LARGE1: variants seen among roughly 807,000 people sequenced by gnomAD.
The protein encoded by LARGE1 is LARGE xylosyl- and glucuronyltransferase 1, also known as xylosyl- and glucuronyltransferase LARGE1.
In LARGE1, 43 loss-of-function variants were observed where a neutral mutation model predicts 87.6. The observed-to-expected ratio is 0.49, with a 90% confidence interval of 0.38 to 0.63. LARGE1 has a LOEUF of 0.63. Among genes scored for constraint, LARGE1 ranks in the 30% least tolerant of loss-of-function variants. The pLI is 0.00. For synonymous variants in LARGE1, 434 were observed against 394.6 expected, an observed-to-expected ratio of 1.10 and a Z score of -1.18; for missense variants, 802 against 1,000.2, an observed-to-expected ratio of 0.80 and a Z score of 2.67.
At chr22:33,899,599 G>C (rs1178865459) in intron 1 of LARGE1, among the ~76,000 whole-genome samples, 1 of 152,138 alleles carries the variant, frequency 6.6e-6, no homozygotes. Flanking sequence ...AAGCAAGCAG[G>C]GACTGGGACT....
chr22:33,073,846 G>A, the LARGE1 span, among the ~76,000 whole-genome samples: 1 of 152,154 alleles, frequency 6.6e-6, no homozygotes, highest in South Asian at 2.1e-4. Context: ...TCACATGTAT[G>A]TTTGGGGTTA....
intron 12 of LARGE1, among the ~76,000 whole-genome samples, chr22:33,284,341 C>T (rs1931103418): frequency 6.6e-6 from 1 of 152,204 alleles, no homozygotes; most frequent in South Asian, 2.1e-4. Context: ...GACTCCAAGC[C>T]TTTAAAGCAG....
the LARGE1 span, among the ~76,000 whole-genome samples, chr22:33,075,783 T>A: frequency 6.6e-6 from 1 of 152,216 alleles, no homozygotes; most frequent in African/African-American, 2.4e-5. Flanking sequence ...TCTTCAAAGA[T>A]GCTTCTCATA....
At chr22:33,643,676 A>G (rs2080514251) in intron 3 of LARGE1, among the ~76,000 whole-genome samples, 1 of 152,220 alleles carries the variant, frequency 6.6e-6, no homozygotes, top group South Asian at 2.1e-4. Flanking sequence ...CTAGACTAAT[A>G]AAGAAGAAAA....
rs772615481 is a variant in LARGE1 at position 33,316,216 on chromosome 22, G to A, written c.1320C>T (p.Asp440=). ...LQKQLSELDE[D]DLCYEFRRER... ...CTCGCCGGAACTCATAGCACAGGTC[G>A]TCCTCGTCCAGCTCAGACAGCTGCT... is the stretch of plus-strand genomic sequence containing the variant. Residue 440 remains aspartate (D), a synonymous_variant, in exon 11 of 15, where the codon GAC becomes GAT. Coordinates refer to ENST00000397394, the MANE Select transcript of LARGE1 (RefSeq NM_133642.5). The A allele has an allele frequency of 2.4e-5, 39 of 1,613,800 alleles. No homozygotes were observed. The highest frequency in any genetic ancestry group is 3.3e-4 in the Middle Eastern group (2 of 6,068).
At chr22:33,456,769 C>G (rs1444472077) in intron 6 of LARGE1, among the ~76,000 whole-genome samples, 1 of 152,226 alleles carries the variant, frequency 6.6e-6, no homozygotes, top group Non-Finnish European at 1.5e-5. Flanking sequence ...AGCTGCAACT[C>G]TGAGCTAATA....
chr22:33,753,437 T>C (rs2084395946), intron 2 of LARGE1, among the ~76,000 whole-genome samples: 1 of 152,196 alleles, frequency 6.6e-6, no homozygotes, highest in South Asian at 2.1e-4. Flanking sequence ...GATTCTTTAC[T>C]GGAGCCTACA....
intron 1 of LARGE1, among the ~76,000 whole-genome samples, chr22:33,840,814 G>C (rs1335787743): frequency 6.6e-6 from 1 of 152,060 alleles, no homozygotes; most frequent in African/African-American, 2.4e-5. Flanking sequence ...ATACAGACAA[G>C]GTTTCGTCAC....
intron 10 of LARGE1, among the ~76,000 whole-genome samples, chr22:33,333,970 A>C (rs894425229): frequency 6.6e-6 from 1 of 151,886 alleles, no homozygotes; most frequent in African/African-American, 2.4e-5. Flanking sequence ...AATACAAAAA[A>C]AGTTAGCCGG....
chr22:33,766,733 A>G (rs548672429), intron 1 of LARGE1, among the ~76,000 whole-genome samples: 1 of 151,812 alleles, frequency 6.6e-6, no homozygotes, highest in East Asian at 1.9e-4. Flanking sequence ...CTGATCTGTT[A>G]AGCTACAAAC....
At chr22:33,258,618 C>A (rs1157986176) in intron 11 of LARGE1, among the ~76,000 whole-genome samples, 5 of 152,190 alleles carry the variant, frequency 3.3e-5, no homozygotes, top group African/African-American at 1.2e-4. Flanking sequence ...ACTAAACAAA[C>A]CCAGACTTGG....
At chr22:33,373,866 C>T (rs908489655) in intron 9 of LARGE1, among the ~76,000 whole-genome samples, 2 of 145,008 alleles carry the variant, frequency 1.4e-5, no homozygotes, top group African/African-American at 2.6e-5. Context: ...TCCAGCTACT[C>T]GGGAGGCTGA....
At position 33,361,930 on chromosome 22, in the gene LARGE1, T is replaced by C. The variant is rs367725641; in HGVS notation, c.1131+19989A>G. Among the ~76,000 whole-genome samples the C allele has an allele frequency of 9.4e-5, 14 of 149,444 alleles. 1 individual carries two copies. In the South Asian group the frequency reaches 1.1e-3, roughly 12 times the overall value. On this transcript the variant is annotated intron_variant, in intron 9 of 14. Transcript: ENST00000397394. ...CTCTAGAAACCCCTAGAGAGACCCATTGGTAGACCCTCTGCTTTCCCTTTC... is the reference window on the plus strand; with the variant it reads ...CTCTAGAAACCCCTAGAGAGACCCACTGGTAGACCCTCTGCTTTCCCTTTC...
chr22:33,601,860 A>T (rs1231461070), intron 5 of LARGE1, among the ~76,000 whole-genome samples: 1 of 152,228 alleles, frequency 6.6e-6, no homozygotes, highest in African/African-American at 2.4e-5. Context: ...TAAAGCCAGC[A>T]CGTAAAATAA....
the LARGE1 span, among the ~76,000 whole-genome samples, chr22:33,096,581 T>C: frequency 7.6e-6 from 1 of 131,460 alleles, no homozygotes; most frequent in South Asian, 2.5e-4. Context: ...TTTTTTTTTT[T>C]TGAGACAGAG....
Position 33,716,229 on chromosome 22 carries a change from A to T in LARGE1, c.106+45142T>A, listed in dbSNP as rs546718759. Among the ~76,000 whole-genome samples the T allele has an allele frequency of 2.6e-5, 4 of 152,290 alleles. No individual in the cohort carries two copies. In the East Asian group the frequency reaches 5.8e-4, roughly 22 times the overall value. ...GTTAGATTTGAATTTATGATAATAA[A>T]TTTTTTGCATAAACATATGCCCTGC... On this transcript the variant is annotated intron_variant, in intron 2 of 14. Transcript: ENST00000397394.
intron 2 of LARGE1, among the ~76,000 whole-genome samples, chr22:33,689,334 C>T (rs890786988): frequency 2.0e-5 from 3 of 152,014 alleles, no homozygotes; most frequent in Non-Finnish European, 4.4e-5. Context: ...CTCCAGAGCA[C>T]ACCCTGATGA....
chr22:33,375,012 T>A (rs1366222631), intron 9 of LARGE1, among the ~76,000 whole-genome samples: 1 of 152,154 alleles, frequency 6.6e-6, no homozygotes, highest in Non-Finnish European at 1.5e-5. Flanking sequence ...AATAAAAACT[T>A]TAAGATCAAT....
intron 3 of LARGE1, among the ~76,000 whole-genome samples, chr22:33,649,881 A>G (rs2080739373): frequency 6.6e-6 from 1 of 152,252 alleles, no homozygotes; most frequent in South Asian, 2.1e-4. Context: ...AGGCTATAAA[A>G]GTTCAAATTA....
Sources: allele counts gnomAD v4.1 joint callset (sites outside exome capture counted in the v4.1 genomes callset), GRCh38; gene constraint gnomAD v4.1.1; transcripts MANE v1.5; gene names NCBI Gene and HGNC (gene_info 2026-07-23, HGNC 2026-07-21).